CCM2: variants seen among roughly 807,000 people sequenced by gnomAD.
CCM2 encodes the protein CCM2 scaffold protein.
CCM2 carries 25 observed loss-of-function variants against 44.9 expected under a neutral mutation model. The ratio of observed to expected loss-of-function variants is 0.56; its 90% CI spans 0.41 to 0.78. CCM2 has a LOEUF of 0.78. Ranked by LOEUF, CCM2 falls within the 30% of genes least tolerant of loss-of-function variation. The pLI is 0.00. For synonymous variants in CCM2, 219 were observed against 241.1 expected, an observed-to-expected ratio of 0.91 and a Z score of 0.85; for missense variants, 481 against 580.6, an observed-to-expected ratio of 0.83 and a Z score of 1.76.
chr7:45,004,719 G>T (rs554588727), intron 1 of CCM2, among the ~76,000 whole-genome samples: 1 of 152,062 alleles, frequency 6.6e-6, no homozygotes, highest in African/African-American at 2.4e-5. Context: ...TATTACAACT[G>T]GTGGTTGGCC....
At chr7:45,051,708 G>A (rs976711903) in intron 2 of CCM2, among the ~76,000 whole-genome samples, 5 of 152,230 alleles carry the variant, frequency 3.3e-5, no homozygotes, top group Admixed American at 2.0e-4. Flanking sequence ...CCACAGGCAC[G>A]TGCCACCACA....
chr7:45,027,153 C>T (rs1362077405), intron 1 of CCM2: 3 of 202,520 alleles, frequency 1.5e-5, no homozygotes, highest in South Asian at 1.6e-4. Context: ...GTGCCCTGCC[C>T]AAGCCCCACC....
chr7:45,054,730 C>G (rs1283282539), intron 2 of CCM2, among the ~76,000 whole-genome samples: 4 of 152,166 alleles, frequency 2.6e-5, no homozygotes, highest in African/African-American at 9.7e-5. Flanking sequence ...CCCTTGCTCT[C>G]TCACTGCTTC....
chr7:45,074,200 G>T, intron 8 of CCM2, 70 bp from the exon 9 acceptor site: 1 of 1,607,550 alleles, frequency 6.2e-7, no homozygotes, highest in East Asian at 2.2e-5. Context: ...AGTGGCTGTG[G>T]CAAGGTGGGC....
At chr7:45,042,264 T>TAAAAAAAAAAAAA (rs1412284392) in intron 2 of CCM2, among the ~76,000 whole-genome samples, 2 of 23,910 alleles carry the variant, frequency 8.4e-5, no homozygotes, top group African/African-American at 2.8e-4. Context: ...AGATTCCATC[T>TAAAAAAAAAAAAA]CAAAAAAAAA....
intron 4 of CCM2, 80 bp from the exon 5 acceptor site, chr7:45,068,363 T>TGGCGGCCTCAGCTGTTTCCTC (rs1798887300): frequency 6.3e-7 from 1 of 1,589,414 alleles, no homozygotes; most frequent in Non-Finnish European, 8.6e-7. Flanking sequence ...CCTGTTTCCA[T>TGGCGGCCTCAGCTGTTTCCTC]GGCGGCCTCA....
intron 2 of CCM2, among the ~76,000 whole-genome samples, chr7:45,042,028 T>C (rs186871363): frequency 5.3e-5 from 8 of 152,130 alleles, no homozygotes; most frequent in Non-Finnish European, 8.8e-5. Context: ...GTAATCCCAG[T>C]ACTTTGGGAG....
chr7:45,036,097 A>G (rs1421159885), intron 1 of CCM2, among the ~76,000 whole-genome samples: 1 of 152,160 alleles, frequency 6.6e-6, no homozygotes, highest in Non-Finnish European at 1.5e-5. Context: ...GATCATGCCT[A>G]GGACCTGAGG....
chr7:45,059,520 G>A (rs536976948), intron 2 of CCM2, among the ~76,000 whole-genome samples: 5 of 152,244 alleles, frequency 3.3e-5, no homozygotes, highest in African/African-American at 9.6e-5. Context: ...CGAGGCGGGC[G>A]GATTGATTGA....
intron 2 of CCM2, among the ~76,000 whole-genome samples, chr7:45,062,021 C>T (rs1798549554): frequency 6.6e-6 from 1 of 152,166 alleles, no homozygotes; most frequent in African/African-American, 2.4e-5. Context: ...GGGTTTCTGC[C>T]CCGCAATGAG....
rs1419120101 is a variant in CCM2, at chr7:45,076,184, C to T, written c.*127C>T. On this transcript the variant is annotated 3_prime_UTR_variant, in exon 10 of 10. Coordinates refer to ENST00000258781, the MANE Select transcript of CCM2 (RefSeq NM_031443.4). ...GGGAGAGGCGCCCGGTGCAGATGGC[C>T]CCGGGCGGCCCAGGTCCTCTACTGT... 7 of 1,346,676 alleles carry T rather than the reference C, an allele frequency of 5.2e-6. No homozygotes were observed. The highest frequency in any genetic ancestry group is 7.2e-6 in the Non-Finnish European group (7 of 973,208). The allele number at this position is 1,346,676 out of a possible 1,614,324, so 83.4% of individuals were successfully genotyped here.
At position 45,067,057 on chromosome 7, in the gene CCM2, C is replaced by G. The variant is rs559818116; in HGVS notation, c.473-1386C>G. Among the ~76,000 whole-genome samples, 9 of 152,202 alleles carry G rather than the reference C, an allele frequency of 5.9e-5. No homozygotes were observed. In the East Asian group the frequency reaches 1.7e-3, roughly 29 times the overall value. On this transcript the variant is annotated intron_variant, in intron 4 of 9. Transcript: ENST00000258781. ...CTGGGACTACAGGCTCCTGCCACCA[C>G]GCCTGGCTAATTTTTTGTATTTTTA... is the stretch of plus-strand genomic sequence containing the variant.
intron 1 of CCM2, 106 bp from the exon 2 acceptor site, chr7:45,038,147 A>G: frequency 1.5e-6 from 2 of 1,326,480 alleles, no homozygotes; most frequent in Non-Finnish European, 1.1e-6. Flanking sequence ...TCCCTGTTGC[A>G]TGGGGGCCAT....
chr7:45,062,994 A>G (rs1419158466), intron 2 of CCM2: 1 of 152,114 alleles, frequency 6.6e-6, no homozygotes, highest in Non-Finnish European at 1.5e-5. Context: ...CCTGCTCCTG[A>G]GATAACAAAC....
At chr7:45,061,054 TCTC>T (rs1798495787) in intron 2 of CCM2, among the ~76,000 whole-genome samples, 1 of 152,176 alleles carries the variant, frequency 6.6e-6, no homozygotes, top group Admixed American at 6.5e-5. Flanking sequence ...GGGATAAAAA[TCTC>T]CTGTGTATCC....
chr7:45,037,662 C>T (rs557668716), intron 1 of CCM2, among the ~76,000 whole-genome samples: 2 of 152,220 alleles, frequency 1.3e-5, no homozygotes, highest in East Asian at 3.9e-4. Flanking sequence ...AAGTGATGTA[C>T]CCGCCTCAGC....
intron 6 of CCM2, 164 bp from the exon 7 acceptor site, chr7:45,072,562 G>T: frequency 1.4e-6 from 1 of 695,212 alleles, no homozygotes; most frequent in Non-Finnish European, 2.6e-6. Flanking sequence ...CTGCCCTGAG[G>T]CACACAGCAC....
rs769607052 is a variant in CCM2, at chr7:45,064,479, C to T, written c.305C>T (p.Pro102Leu). The change falls in exon 4 of 10, where the codon CCG (proline) becomes CTG (leucine). Residue 102 changes from proline to leucine, a missense_variant. Physicochemically the swap from Pro to Leu is moderately conservative, Grantham distance 98. Transcript: ENST00000258781. ...TCCTTCCAGAGAGCCCACCAGCTTC[C>T]GGGACACTTGACTCAGGAGCACGAT... is the stretch of plus-strand genomic sequence containing the variant. ...IDNAKRAHQL[P>L]GHLTQEHDAV... 13 of 1,613,212 alleles carry T rather than the reference C, an allele frequency of 8.1e-6. No homozygotes were observed. The highest frequency in any genetic ancestry group is 1.3e-5 in the African/African-American group (1 of 74,916).
intron 2 of CCM2, among the ~76,000 whole-genome samples, chr7:45,042,968 C>CTTTTTTT (rs35874377): frequency 7.4e-6 from 1 of 134,628 alleles, no homozygotes; most frequent in Non-Finnish European, 1.6e-5. Flanking sequence ...TCTTCTTCTT[C>CTTTTTTT]TTTTTTTTTT....
Sources: allele counts gnomAD v4.1 joint callset (sites outside exome capture counted in the v4.1 genomes callset), GRCh38; gene constraint gnomAD v4.1.1; transcripts MANE v1.5; gene names NCBI Gene and HGNC (gene_info 2026-07-23, HGNC 2026-07-21).